Variants in ENG observed in about 807,000 individuals in gnomAD.
ENG encodes the protein CD105 antigen.
In ENG, 17 loss-of-function variants were observed where a neutral mutation model predicts 71.0. The ratio of observed to expected loss-of-function variants is 0.24; its 90% CI spans 0.16 to 0.36. ENG has a LOEUF of 0.36. ENG is among the 10% of genes least tolerant of loss of function. The probability of loss-of-function intolerance (pLI) is 1.00; values close to 1 mark genes in which losing one functional copy is unlikely to be tolerated. For synonymous variants in ENG, 360 were observed against 366.9 expected, an observed-to-expected ratio of 0.98 and a Z score of 0.21; for missense variants, 749 against 868.3, an observed-to-expected ratio of 0.86 and a Z score of 1.73.
In ENG at chr9:127,825,872, C is replaced by T. The variant is rs142841129; in HGVS notation, c.524-12G>A. 325 of 1,580,186 alleles carry T rather than the reference C, an allele frequency of 2.1e-4. No homozygotes were observed. The African/African-American group carries it at 3.8e-3, about 19-fold the overall frequency. On this transcript the variant is annotated splice_polypyrimidine_tract_variant and intron_variant, in intron 4 of 14. Transcript: ENST00000373203. ...CAGTGACCCCTGGGCTGCAGAGACACGCGCACCTCAGTCCCTTCCCTCAGC... is the reference window on the plus strand; with the variant it reads ...CAGTGACCCCTGGGCTGCAGAGACATGCGCACCTCAGTCCCTTCCCTCAGC...
chr9:127,824,658 G>A (rs2131886485), intron 7 of ENG, 142 bp downstream of exon 7: 1 of 1,125,900 alleles, frequency 8.9e-7, no homozygotes, highest in Non-Finnish European at 1.2e-6. Flanking sequence ...TACTCCCATT[G>A]TTCCCATGTG....
In ENG at chr9:127,836,718, G is replaced by T. The variant is rs186737460; in HGVS notation, c.219+6376C>A. On this transcript the variant is annotated intron_variant, in intron 2 of 14. Coordinates refer to ENST00000373203, the MANE Select transcript of ENG (RefSeq NM_001114753.3). The surrounding 1 kb of genome is among the most constrained non-coding windows in gnomAD (Gnocchi z 4.0). ...TGGAAAATGGTATTCCCACTTCATT[G>T]ACTTATGAGGTTTCAGTGCAATTCT... is the stretch of plus-strand genomic sequence containing the variant. Among the ~76,000 whole-genome samples, 4 of 152,302 alleles carry T rather than the reference G, an allele frequency of 2.6e-5. No individual in the cohort carries two copies. The East Asian group carries it at 7.7e-4, about 29-fold the overall frequency.
At position 127,846,427 on chromosome 9, in the gene ENG, A is replaced by G. The variant is rs1262185916; in HGVS notation, c.68-3182T>C. 6.6e-6 allele frequency among the ~76,000 whole-genome samples: 1 copy of G among 152,128 alleles called. No homozygotes were observed. Among genetic ancestry groups the G allele is most frequent in the Non-Finnish European group, 1.5e-5 (1 of 68,006 alleles). On this transcript the variant is annotated intron_variant, in intron 1 of 14. Coordinates refer to ENST00000373203, the MANE Select transcript of ENG (RefSeq NM_001114753.3). This position sits in a 1 kb window ranked among gnomAD's most constrained non-coding sequence, Gnocchi z 5.5. ...TGACCCAGTGTCTGGCCTGCAGATT[A>G]TCGCAGCGCCTCCCTCCTTCCCTTT...
intron 3 of ENG, 29 bp downstream of exon 3, chr9:127,829,658 C>G: frequency 6.2e-7 from 1 of 1,613,452 alleles, no homozygotes; most frequent in South Asian, 1.1e-5. Context: ...GCCAGAGCCT[C>G]AGCCTGGGGT....
intron 1 of ENG, among the ~76,000 whole-genome samples, chr9:127,850,981 G>C (rs1831269082): frequency 6.6e-6 from 1 of 152,142 alleles, no homozygotes; most frequent in African/African-American, 2.4e-5. Context: ...ACAACATGGA[G>C]ACCTGGTTCG....
At chr9:127,823,116 A>AG (rs1830508405) in intron 8 of ENG, among the ~76,000 whole-genome samples, 1 of 151,158 alleles carries the variant, frequency 6.6e-6, no homozygotes, top group Non-Finnish European at 1.5e-5. Context: ...CTAGGGTTAC[A>AG]GGTGTGAGCC....
chr9:127,829,955 C>T lies in ENG; in HGVS notation c.220-128G>A. The T allele has an allele frequency of 6.2e-6, 8 of 1,292,202 alleles. No homozygotes were observed. The South Asian group carries it at 8.7e-5, about 14-fold the overall frequency. The allele number at this position is 1,292,202 out of a possible 1,614,324, so 80.0% of individuals were successfully genotyped here. A position where few individuals can be genotyped will look rare whatever the true frequency, so the allele number is the denominator to read the frequency against. ...CTGCCTGCTCTGTCCACCCTCACCT[C>T]CCAGTGCCCAGGGTAGTGCCTGTCC... On this transcript the variant is annotated intron_variant, in intron 2 of 14. Transcript: ENST00000373203.
intron 1 of ENG, among the ~76,000 whole-genome samples, chr9:127,844,976 C>T (rs890795329): frequency 2.0e-5 from 3 of 152,066 alleles, no homozygotes; most frequent in African/African-American, 7.2e-5. Flanking sequence ...AAACACAGGT[C>T]CTGAGGGAAA....
intron 2 of ENG, among the ~76,000 whole-genome samples, chr9:127,841,602 A>T (rs1564462113): frequency 1.3e-5 from 2 of 152,162 alleles, no homozygotes; most frequent in Admixed American, 6.5e-5. Context: ...GGCGGTGGGG[A>T]GCAGGGTCCC....
intron 13 of ENG, chr9:127,816,423 G>A (rs563035860): frequency 2.7e-4 from 102 of 381,204 alleles, no homozygotes; most frequent in African/African-American, 1.8e-3. Flanking sequence ...CCTCTCTGAG[G>A]CCTTTAGCAG....
intron 1 of ENG, among the ~76,000 whole-genome samples, chr9:127,845,063 C>CG (rs1462697700): frequency 1.3e-5 from 2 of 152,188 alleles, no homozygotes; most frequent in Non-Finnish European, 2.9e-5. Flanking sequence ...AGGAATGTGC[C>CG]GGGGGAAGGG....
intron 2 of ENG, among the ~76,000 whole-genome samples, chr9:127,837,871 A>T (rs1003121762): frequency 6.9e-6 from 1 of 145,494 alleles, no homozygotes; most frequent in African/African-American, 2.6e-5. Flanking sequence ...TTCAGCAGTA[A>T]GAGGGCAGGC....
At chr9:127,850,726 C>T (rs922623442) in intron 1 of ENG, among the ~76,000 whole-genome samples, 2 of 152,272 alleles carry the variant, frequency 1.3e-5, no homozygotes, top group African/African-American at 4.8e-5. Flanking sequence ...CACTCAGGAA[C>T]ACTCTTCAAT....
chr9:127,834,388 C>T (rs1830845162), intron 2 of ENG, among the ~76,000 whole-genome samples: 1 of 152,010 alleles, frequency 6.6e-6, no homozygotes, highest in Admixed American at 6.6e-5. Context: ...CAGGTGTGCG[C>T]CACCATGCCC....
At chr9:127,842,830 C>T (rs1409764719) in intron 2 of ENG, among the ~76,000 whole-genome samples, 4 of 147,808 alleles carry the variant, frequency 2.7e-5, no homozygotes, top group Non-Finnish European at 6.0e-5. Context: ...CACCTGGTCC[C>T]CCCCACCCAT....
intron 1 of ENG, among the ~76,000 whole-genome samples, chr9:127,843,853 C>T: frequency 7.1e-6 from 1 of 140,876 alleles, no homozygotes. Flanking sequence ...CTCACCGCAA[C>T]CTCCGCCTCC....
At chr9:127,853,070 C>T (rs1420047124) in intron 1 of ENG, among the ~76,000 whole-genome samples, 3 of 152,094 alleles carry the variant, frequency 2.0e-5, no homozygotes, top group Admixed American at 1.3e-4. Flanking sequence ...CTTGCAGGGT[C>T]GTTGTGAGCC....
intron 6 of ENG, 71 bp from the exon 7 acceptor site, chr9:127,825,045 T>TATG (rs1431373755): frequency 6.3e-7 from 1 of 1,591,452 alleles, no homozygotes; most frequent in African/African-American, 1.3e-5. Flanking sequence ...CAGCCAGGGT[T>TATG]ATGCCAGGCC....
rs1830964738 is a variant in ENG at position 127,838,873 on chromosome 9, G to T, written c.219+4221C>A. 6.6e-6 allele frequency among the ~76,000 whole-genome samples: 1 copy of T among 152,074 alleles called. No homozygotes were observed. The highest frequency in any genetic ancestry group is 2.4e-5 in the African/African-American group (1 of 41,394). On this transcript the variant is annotated intron_variant, in intron 2 of 14. Transcript: ENST00000373203. This position sits in a 1 kb window ranked among gnomAD's most constrained non-coding sequence, Gnocchi z 4.3. ...ACGCACTGAGCGGCACTTCCCCAAG[G>T]CTCTCGGCTGCCACCGCCCATCTAC... is the stretch of plus-strand genomic sequence containing the variant.
Sources: gnomAD v4.1 joint callset for allele counts (sites outside exome capture counted in the v4.1 genomes callset) on GRCh38, gnomAD v4.1.1 for gene constraint, Gnocchi (gnomAD v3.1) non-coding constraint, MANE v1.5 for transcripts, NCBI Gene and HGNC (gene_info 2026-07-23, HGNC 2026-07-21) for gene names.